Variants in RALGPS1 observed in about 807,000 individuals in gnomAD.
RALGPS1 encodes ras-specific guanine nucleotide-releasing factor RalGPS1.
Under a neutral mutation model 78.8 loss-of-function variants are expected in RALGPS1, and 19 were observed. The observed-to-expected ratio is 0.24, with a 90% confidence interval of 0.17 to 0.35. The LOEUF (loss-of-function observed/expected upper bound fraction) is 0.35, where lower values mean the gene tolerates loss of function less well. Among genes scored for constraint, RALGPS1 ranks in the 10% least tolerant of loss-of-function variants. The pLI, the probability that RALGPS1 is intolerant of heterozygous loss-of-function variation, is 1.00. For synonymous variants in RALGPS1, 228 were observed against 256.3 expected, an observed-to-expected ratio of 0.89 and a Z score of 1.06; for missense variants, 454 against 688.3, an observed-to-expected ratio of 0.66 and a Z score of 3.81.
intron 11 of RALGPS1, among the ~76,000 whole-genome samples, chr9:127,186,843 G>T (rs1475914362): frequency 6.6e-6 from 1 of 152,198 alleles, no homozygotes; most frequent in African/African-American, 2.4e-5. Flanking sequence ...ATCCACAGCC[G>T]AAAGAAGAGG....
At chr9:126,998,468 T>C (rs2042979794) in intron 4 of RALGPS1, among the ~76,000 whole-genome samples, 1 of 152,202 alleles carries the variant, frequency 6.6e-6, no homozygotes, top group Non-Finnish European at 1.5e-5. Flanking sequence ...CACAATGAGA[T>C]ACCATCCCAC....
chr9:127,012,906 G>A (rs78523403), intron 4 of RALGPS1, among the ~76,000 whole-genome samples: 2,233 of 152,232 alleles, frequency 0.015, 46 homozygotes, highest in African/African-American at 0.051. Context: ...CAGGGAACTC[G>A]AAGATGAATG....
chr9:127,188,832 T>TTAAAAAAAAAAAAAAAAAAAAAAAAAAAA lies in RALGPS1; in HGVS notation c.911-6259_911-6258insTAAAAAAAAAAAAAAAAAAAAAAAAAAAA, dbSNP rs756481918. On this transcript the variant is annotated intron_variant, in intron 11 of 18. Coordinates refer to ENST00000259351, the MANE Select transcript of RALGPS1 (RefSeq NM_014636.3). ...AAAGACTAAGAAACCCCATCTCTAC[T>TTAAAAAAAAAAAAAAAAAAAAAAAAAAAA]AAAAAAAAAAAAAAAAATGTAGCCA... Among the ~76,000 whole-genome samples the TTAAAAAAAAAAAAAAAAAAAAAAAAAAAA allele has an allele frequency of 7.5e-3, 652 of 87,356 alleles. 132 individuals are homozygous for TTAAAAAAAAAAAAAAAAAAAAAAAAAAAA. The highest frequency in any genetic ancestry group is 0.014 in the Middle Eastern group (2 of 140). The allele number at this position is 87,356 out of a possible 152,430, so 57.3% of individuals were successfully genotyped here. A position where few individuals can be genotyped will look rare whatever the true frequency, so the allele number is the denominator to read the frequency against.
intron 8 of RALGPS1, among the ~76,000 whole-genome samples, chr9:127,126,630 C>T (rs1366436701): frequency 6.6e-6 from 1 of 152,178 alleles, no homozygotes; most frequent in Admixed American, 6.5e-5. Context: ...AGCATTTAAT[C>T]GGCTGTTAAT....
intron 4 of RALGPS1, among the ~76,000 whole-genome samples, chr9:127,031,010 A>G (rs1407388830): frequency 6.6e-6 from 1 of 152,132 alleles, no homozygotes; most frequent in African/African-American, 2.4e-5. Context: ...TCAGCCACGT[A>G]GTCAGGGCCA....
At chr9:127,062,674 A>C (rs2049327899) in intron 7 of RALGPS1, among the ~76,000 whole-genome samples, 1 of 152,228 alleles carries the variant, frequency 6.6e-6, no homozygotes, top group Non-Finnish European at 1.5e-5. Flanking sequence ...TATTTATATT[A>C]CTACATTTTC....
intron 18 of RALGPS1, chr9:127,217,755 C>T (rs1261621688): frequency 6.6e-6 from 1 of 152,218 alleles, no homozygotes; most frequent in African/African-American, 2.4e-5. Flanking sequence ...TTGATTCCTT[C>T]ATGTGTTGTC....
intron 14 of RALGPS1, among the ~76,000 whole-genome samples, chr9:127,203,858 C>G (rs1178193956): frequency 6.6e-6 from 1 of 152,174 alleles, no homozygotes; most frequent in Non-Finnish European, 1.5e-5. Flanking sequence ...GACCTGGGAC[C>G]TGAAGAGGCT....
At chr9:127,069,471 G>A in intron 8 of RALGPS1, 115 bp downstream of exon 8, 1 of 1,241,072 alleles carries the variant, frequency 8.1e-7, no homozygotes, top group Admixed American at 2.3e-5. Flanking sequence ...CGTAGATAAA[G>A]AGGCAATTGG....
At chr9:127,078,560 A>C (rs2050886366) in intron 8 of RALGPS1, among the ~76,000 whole-genome samples, 1 of 152,092 alleles carries the variant, frequency 6.6e-6, no homozygotes, top group Non-Finnish European at 1.5e-5. Flanking sequence ...GAAGGAAAAC[A>C]TGTGGGGGCC....
intron 7 of RALGPS1, among the ~76,000 whole-genome samples, chr9:127,063,735 A>G (rs1395473767): frequency 1.3e-5 from 2 of 152,152 alleles, no homozygotes; most frequent in Non-Finnish European, 2.9e-5. Flanking sequence ...AAAGCCACAA[A>G]TTTTCCTCCT....
intron 11 of RALGPS1, among the ~76,000 whole-genome samples, chr9:127,192,751 G>A (rs1239363720): frequency 6.6e-6 from 1 of 152,224 alleles, no homozygotes; most frequent in Non-Finnish European, 1.5e-5. Context: ...AGGGAGTCCT[G>A]TGTGGACAAC....
intron 4 of RALGPS1, among the ~76,000 whole-genome samples, chr9:126,979,400 C>T (rs1392999238): frequency 6.6e-6 from 1 of 152,178 alleles, no homozygotes; most frequent in African/African-American, 2.4e-5. Flanking sequence ...TAATCAAAAA[C>T]AACATCAAAT....
At chr9:127,196,799 C>T (rs879306899) in intron 13 of RALGPS1, among the ~76,000 whole-genome samples, 168 bp downstream of exon 13, 1 of 152,252 alleles carries the variant, frequency 6.6e-6, no homozygotes, top group Non-Finnish European at 1.5e-5. Context: ...ATCGCCCAGA[C>T]CCAGGGAAAC....
chr9:126,983,943 T>A (rs2132946033), intron 4 of RALGPS1, among the ~76,000 whole-genome samples: 1 of 152,332 alleles, frequency 6.6e-6, no homozygotes. Context: ...TGTTTTGCTC[T>A]GTGTCATGTG....
Position 126,966,787 on chromosome 9 carries a change from T to TA in RALGPS1, c.165+845dup, listed in dbSNP as rs531734787. On this transcript the variant is annotated intron_variant, in intron 3 of 18. Transcript: ENST00000259351. The stretch of plus-strand genomic sequence containing the variant: ...TTGGGCAATTTAAAAAAATATAAAT[T>TA]AAAAAAAAAGATATATCTTCAACCA... 2.0e-3 allele frequency among the ~76,000 whole-genome samples: 301 copies of TA among 151,618 alleles called. 1 individual carries two copies. The highest frequency in any genetic ancestry group is 3.4e-3 in the Non-Finnish European group (229 of 67,866).
intron 3 of RALGPS1, among the ~76,000 whole-genome samples, chr9:126,976,683 A>G (rs1227003813): frequency 6.6e-6 from 1 of 152,158 alleles, no homozygotes; most frequent in Non-Finnish European, 1.5e-5. Flanking sequence ...TGTTCCCTGT[A>G]TCATGTCATC....
intron 8 of RALGPS1, among the ~76,000 whole-genome samples, chr9:127,107,320 C>T (rs547654154): frequency 5.9e-5 from 9 of 152,208 alleles, no homozygotes; most frequent in East Asian, 1.9e-4. Flanking sequence ...TAACGGTATT[C>T]GGAGAATTGC....
At chr9:127,097,846 C>T (rs958771388) in intron 8 of RALGPS1, among the ~76,000 whole-genome samples, 1 of 152,172 alleles carries the variant, frequency 6.6e-6, no homozygotes, top group Non-Finnish European at 1.5e-5. Context: ...GCTCCAATCT[C>T]GATGGCCTCA....
Sources: allele counts gnomAD v4.1 joint callset (sites outside exome capture counted in the v4.1 genomes callset), GRCh38; gene constraint gnomAD v4.1.1; transcripts MANE v1.5; gene names NCBI Gene and HGNC (gene_info 2026-07-23, HGNC 2026-07-21).